The following ADGRL1 variants were observed in gnomAD, a reference collection of about 807,000 sequenced individuals.
ADGRL1 encodes the protein adhesion G protein-coupled receptor L1, also known as CIRL-1.
A neutral mutation model predicts 148.9 loss-of-function variants in ADGRL1; 31 were observed. That is an observed-to-expected ratio of 0.21 (90% CI 0.16 to 0.28). The LOEUF is 0.28. Among genes scored for constraint, ADGRL1 ranks in the 10% least tolerant of loss-of-function variants. The pLI, the probability that ADGRL1 is intolerant of heterozygous loss-of-function variation, is 1.00. For missense variants in ADGRL1, 1,521 were observed against 2,058.8 expected (o/e 0.74, Z 5.05); for synonymous variants, 937 against 900.3 (o/e 1.04, Z -0.73).
chr19:14,190,086 C>T (rs1469927502), intron 1 of ADGRL1, among the ~76,000 whole-genome samples: 2 of 152,084 alleles, frequency 1.3e-5, no homozygotes, highest in Non-Finnish European at 2.9e-5. Context: ...CACCACCGTG[C>T]CTGGTTAATT....
intron 3 of ADGRL1, among the ~76,000 whole-genome samples, chr19:14,176,010 C>A (rs1317345263): frequency 6.6e-6 from 1 of 151,440 alleles, no homozygotes; most frequent in East Asian, 1.9e-4. Flanking sequence ...GCTGAGATCA[C>A]ACCACTGCAC....
chr19:14,192,722 C>T (rs1324957394), intron 1 of ADGRL1, among the ~76,000 whole-genome samples: 5 of 150,454 alleles, frequency 3.3e-5, no homozygotes, highest in African/African-American at 4.9e-5. Context: ...GGCTAATTTT[C>T]GTATTTTTAG....
intron 1 of ADGRL1, among the ~76,000 whole-genome samples, chr19:14,198,995 G>C (rs765117349): frequency 6.6e-6 from 1 of 152,226 alleles, no homozygotes; most frequent in Admixed American, 6.5e-5. Context: ...GCTAGGGCCC[G>C]AGCAGAGGGC....
intron 3 of ADGRL1, among the ~76,000 whole-genome samples, chr19:14,175,909 C>T (rs1387946526): frequency 6.6e-6 from 1 of 152,086 alleles, no homozygotes; most frequent in Non-Finnish European, 1.5e-5. Flanking sequence ...CAAAAATAAG[C>T]TGGGCATGAT....
intron 1 of ADGRL1, among the ~76,000 whole-genome samples, chr19:14,200,624 T>TA (rs1972538860): frequency 6.6e-6 from 1 of 152,180 alleles, no homozygotes. Flanking sequence ...TACGTATATA[T>TA]TTTTTTGAGA....
In ADGRL1 at chr19:14,151,220, C is replaced by T. The variant is rs1375997002; in HGVS notation, c.4063G>A (p.Glu1355Lys). The stretch of plus-strand genomic sequence containing the variant: ...TCCTCGGCCGTGCAGCTCTCCGACT[C>T]GTCCAGATCGCTCTGGTACAGCACC... ...QSVLYQSDLD[E>K]SESCTAEDGA... Residue 1355 changes from glutamate to lysine, a missense_variant, in exon 23 of 23, where the codon GAG becomes AAG. Coordinates refer to ENST00000361434, the MANE Select transcript of ADGRL1 (RefSeq NM_014921.5). 23 of 1,611,794 alleles carry T rather than the reference C, an allele frequency of 1.4e-5. No individual in the cohort carries two copies. The highest frequency in any genetic ancestry group is 1.9e-5 in the Non-Finnish European group (23 of 1,179,692).
intron 2 of ADGRL1, among the ~76,000 whole-genome samples, chr19:14,179,472 C>T (rs188327831): frequency 2.6e-4 from 39 of 151,866 alleles, no homozygotes; most frequent in Admixed American, 7.9e-4. Context: ...ACAGCCTGGG[C>T]GACAGAGCGA....
Position 14,152,246 on chromosome 19 carries a change from A to G in ADGRL1, c.3649+63T>C. 6.2e-7 allele frequency: 1 copy of G among 1,613,682 alleles called. No homozygotes were observed. Among genetic ancestry groups the G allele is most frequent in the Non-Finnish European group, 8.5e-7 (1 of 1,179,706 alleles). On this transcript the variant is annotated intron_variant, in intron 21 of 22. Coordinates refer to ENST00000361434, the MANE Select transcript of ADGRL1 (RefSeq NM_014921.5). This position sits in a 1 kb window ranked among gnomAD's most constrained non-coding sequence, Gnocchi z 6.1. ...TTCTGGGGCACAGAACATCCCATGC[A>G]GAGGTCCCTTGGGACACAAACCCTC...
Position 14,161,533 on chromosome 19 carries a change from C to A in ADGRL1, c.1289G>T (p.Arg430Leu). The A allele has an allele frequency of 6.9e-7, 1 of 1,439,076 alleles. No individual in the cohort carries two copies. Among genetic ancestry groups the A allele is most frequent in the East Asian group, 2.7e-5 (1 of 36,926 alleles). The allele number at this position is 1,439,076 out of a possible 1,614,324, so 89.1% of individuals were successfully genotyped here. A position where few individuals can be genotyped will look rare whatever the true frequency, so the allele number is the denominator to read the frequency against. The change falls in exon 6 of 23, where the codon CGC becomes CTC. Residue 430 changes from arginine to leucine, a missense_variant. Arg to Leu is a moderately radical substitution (Grantham distance 102). Transcript: ENST00000361434. This position sits in a 1 kb window ranked among gnomAD's most constrained non-coding sequence, Gnocchi z 4.4. Reference sequence around the variant, plus strand: ...TGGGTGCGTGGTGAGGGGTGCCCGGCGGAGCGGGGTGGTGGCTGCGGGCGA... The same window carrying A: ...TGGGTGCGTGGTGAGGGGTGCCCGGAGGAGCGGGGTGGTGGCTGCGGGCGA... ...TASPAATTPL[R>L]RAPLTTHPVG...
intron 4 of ADGRL1, among the ~76,000 whole-genome samples, chr19:14,167,662 A>G (rs1480177166): frequency 6.6e-6 from 1 of 151,908 alleles, no homozygotes; most frequent in Non-Finnish European, 1.5e-5. Context: ...GAAGAAGCAA[A>G]CACAGAGAGA....
Position 14,159,594 on chromosome 19 carries a change from C to A in ADGRL1, c.1840-10G>T. 6.3e-7 allele frequency: 1 copy of A among 1,594,004 alleles called. No homozygotes were observed. The highest frequency in any genetic ancestry group is 8.6e-7 in the Non-Finnish European group (1 of 1,165,992). On this transcript the variant is annotated splice_polypyrimidine_tract_variant and intron_variant, in intron 9 of 22. Transcript: ENST00000361434. The surrounding 1 kb of genome is among the most constrained non-coding windows in gnomAD (Gnocchi z 6.0). ...CTGTCTCCACCACGGCCTGCACAGG[C>A]AGAGGGCATGGTGCTGTGAGCCCCC...
chr19:14,180,681 C>A (rs944242967), intron 2 of ADGRL1, among the ~76,000 whole-genome samples: 1 of 152,078 alleles, frequency 6.6e-6, no homozygotes, highest in Non-Finnish European at 1.5e-5. Flanking sequence ...TCCCGAGTAG[C>A]TGGGACTACA....
At chr19:14,194,880 C>CTT (rs113568179) in intron 1 of ADGRL1, among the ~76,000 whole-genome samples, 12 of 142,968 alleles carry the variant, frequency 8.4e-5, no homozygotes, top group African/African-American at 1.5e-4. Context: ...TCTTTCTTCT[C>CTT]TTTTTTTTTT....
intron 1 of ADGRL1, among the ~76,000 whole-genome samples, chr19:14,194,880 CTT>C (rs113568179): frequency 1.4e-5 from 2 of 142,934 alleles, no homozygotes; most frequent in Non-Finnish European, 1.5e-5. Context: ...TCTTTCTTCT[CTT>C]TTTTTTTTTT....
At chr19:14,205,687 A>T (rs1972952600) in intron 1 of ADGRL1, among the ~76,000 whole-genome samples, 1 of 150,704 alleles carries the variant, frequency 6.6e-6, no homozygotes. Context: ...GCGCGGGCAC[A>T]CTCGCGGTCC....
At chr19:14,185,011 G>A (rs1353956353) in intron 1 of ADGRL1, among the ~76,000 whole-genome samples, 1 of 152,038 alleles carries the variant, frequency 6.6e-6, no homozygotes. Context: ...TCAAACTCCT[G>A]GGCTTAAGGG....
chr19:14,164,034 C>T (rs1969707646), intron 4 of ADGRL1, among the ~76,000 whole-genome samples: 1 of 152,042 alleles, frequency 6.6e-6, no homozygotes, highest in African/African-American at 2.4e-5. Context: ...TCAGGAGTGT[C>T]TCCCTATTCC....
chr19:14,201,312 T>C (rs1390681742), intron 1 of ADGRL1, among the ~76,000 whole-genome samples: 1 of 138,754 alleles, frequency 7.2e-6, no homozygotes, highest in Non-Finnish European at 1.6e-5. Context: ...GTTTTTTTTT[T>C]TTGGCGGGGT....
At chr19:14,198,895 G>C (rs1972430989) in intron 1 of ADGRL1, among the ~76,000 whole-genome samples, 1 of 152,204 alleles carries the variant, frequency 6.6e-6, no homozygotes, top group Non-Finnish European at 1.5e-5. Context: ...ACAGTGGCCT[G>C]TGGTCTGTTT....
Sources: allele counts gnomAD v4.1 joint callset (sites outside exome capture counted in the v4.1 genomes callset), GRCh38; gene constraint gnomAD v4.1.1; non-coding constraint Gnocchi (gnomAD v3.1); transcripts MANE v1.5; gene names NCBI Gene and HGNC (gene_info 2026-07-23, HGNC 2026-07-21).